Variants in FIRRM observed in about 807,000 individuals in gnomAD.
FIRRM encodes the protein FIGNL1 interacting regulator of recombination and mitosis, also known as FIGNL1-interacting regulator of recombination and mitosis.
At chr1:169,842,057 T>TC in the FIRRM span, among the ~76,000 whole-genome samples, 1 of 151,540 alleles carries the variant, frequency 6.6e-6, no homozygotes, top group Non-Finnish European at 1.5e-5. Flanking sequence ...GTGCCTGTAG[T>TC]CCCAGCTTCT....
the FIRRM span, among the ~76,000 whole-genome samples, chr1:169,806,563 A>T: frequency 6.6e-6 from 1 of 152,346 alleles, no homozygotes; most frequent in East Asian, 1.9e-4. Flanking sequence ...TGCCTGTAGC[A>T]TTCATCAGAT....
the FIRRM span, among the ~76,000 whole-genome samples, chr1:169,790,349 C>G: frequency 6.6e-6 from 1 of 151,940 alleles, no homozygotes; most frequent in African/African-American, 2.4e-5. Flanking sequence ...ACCACGCCCA[C>G]CTAATTTTGT....
At chr1:169,826,104 CT>C in the FIRRM span, 1 of 333,482 alleles carries the variant, frequency 3.0e-6, no homozygotes, top group African/African-American at 2.1e-5. Context: ...TGGAGTTTCG[CT>C]CTTGCTGTCT....
At chr1:169,830,733 A>G in the FIRRM span, 20 of 1,613,906 alleles carry the variant, frequency 1.2e-5, no homozygotes, top group Middle Eastern at 1.6e-4. Flanking sequence ...CCATGTCACC[A>G]TAGTGGCTCA....
chr1:169,803,451 A>G, the FIRRM span: 1 of 912,600 alleles, frequency 1.1e-6, no homozygotes, highest in Non-Finnish European at 1.5e-6. Context: ...ACATGTAAGT[A>G]AATAATTGTT....
the FIRRM span, among the ~76,000 whole-genome samples, chr1:169,816,856 C>A: frequency 6.6e-6 from 1 of 152,170 alleles, no homozygotes; most frequent in Non-Finnish European, 1.5e-5. Context: ...GGTAAAATAA[C>A]CAGTTTCTCC....
chr1:169,850,380 G>T, the FIRRM span: 1 of 1,453,640 alleles, frequency 6.9e-7, no homozygotes. Flanking sequence ...TTTATTCTTT[G>T]TCCTATTTTT....
chr1:169,847,664 CTG>C, the FIRRM span: 1 of 1,474,648 alleles, frequency 6.8e-7, no homozygotes, highest in South Asian at 1.1e-5. Context: ...TTATTTATAA[CTG>C]TTCTTTGGTC....
the FIRRM span, chr1:169,827,235 A>G: frequency 2.2e-5 from 35 of 1,566,450 alleles, no homozygotes; most frequent in Non-Finnish European, 2.8e-5. Flanking sequence ...TAAATCATCT[A>G]TTATGACATG....
At chr1:169,837,598 G>C in the FIRRM span, among the ~76,000 whole-genome samples, 1 of 152,200 alleles carries the variant, frequency 6.6e-6, no homozygotes, top group Non-Finnish European at 1.5e-5. Context: ...AGTACATGTA[G>C]TTGAAATTTC....
At chr1:169,830,385 AG>A in the FIRRM span, 2 of 1,425,976 alleles carry the variant, frequency 1.4e-6, no homozygotes, top group South Asian at 2.4e-5. Context: ...GGTTATTAGT[AG>A]TGACTGACAG....
At chr1:169,810,877 G>A in the FIRRM span, among the ~76,000 whole-genome samples, 1 of 81,666 alleles carries the variant, frequency 1.2e-5, no homozygotes, top group Non-Finnish European at 2.1e-5. Flanking sequence ...TTTTGAGACG[G>A]AGTCTCGCTC....
the FIRRM span, among the ~76,000 whole-genome samples, chr1:169,794,439 C>T: frequency 6.6e-6 from 1 of 152,110 alleles, no homozygotes; most frequent in South Asian, 2.1e-4. Context: ...GGTAATTTGG[C>T]AATAATTAGT....
At chr1:169,826,488 G>A in the FIRRM span, among the ~76,000 whole-genome samples, 8 of 150,268 alleles carry the variant, frequency 5.3e-5, no homozygotes, top group South Asian at 4.3e-4. Context: ...TCAGCCTCCC[G>A]AGTAGCTGGG....
At chr1:169,811,219 C>G in the FIRRM span, among the ~76,000 whole-genome samples, 2 of 152,056 alleles carry the variant, frequency 1.3e-5, no homozygotes, top group Non-Finnish European at 2.9e-5. Context: ...GCCCTTAGAA[C>G]TAATTTAATT....
At chr1:169,798,512 C>T in the FIRRM span, among the ~76,000 whole-genome samples, 1 of 152,010 alleles carries the variant, frequency 6.6e-6, no homozygotes, top group Non-Finnish European at 1.5e-5. Context: ...TCTTGTTCGC[C>T]CATCTAGGTC....
the FIRRM span, chr1:169,829,494 T>A: frequency 6.6e-7 from 1 of 1,506,746 alleles, no homozygotes; most frequent in South Asian, 1.4e-5. Flanking sequence ...ACACTTTTGC[T>A]TTCTCTTCAT....
the FIRRM span, among the ~76,000 whole-genome samples, chr1:169,811,780 G>C: frequency 2.0e-5 from 3 of 149,572 alleles, no homozygotes; most frequent in African/African-American, 7.5e-5. Context: ...TATCTAAATA[G>C]ATAATAGACA....
chr1:169,798,798 A>G, the FIRRM span: 3 of 481,964 alleles, frequency 6.2e-6, no homozygotes, highest in Non-Finnish European at 9.7e-6. Flanking sequence ...ATTTGAGTCC[A>G]ATTCCAATCT....
Sources: gnomAD v4.1 joint callset for allele counts (sites outside exome capture counted in the v4.1 genomes callset) on GRCh38, gnomAD v4.1.1 for gene constraint, MANE v1.5 for transcripts, NCBI Gene and HGNC (gene_info 2026-07-23, HGNC 2026-07-21) for gene names.